The following EYA1 variants were observed in gnomAD, a reference collection of about 807,000 sequenced individuals.
EYA1 encodes the protein protein phosphatase EYA1.
In EYA1, 16 loss-of-function variants were observed where a neutral mutation model predicts 82.0. That is an observed-to-expected ratio of 0.20 (90% CI 0.13 to 0.30). The LOEUF is 0.30. EYA1 is among the 10% of genes least tolerant of loss of function. The probability of loss-of-function intolerance (pLI) is 1.00; values close to 1 mark genes in which losing one functional copy is unlikely to be tolerated. For synonymous variants in EYA1, 261 were observed against 264.4 expected, an observed-to-expected ratio of 0.99 and a Z score of 0.12; for missense variants, 633 against 730.7, an observed-to-expected ratio of 0.87 and a Z score of 1.54.
At chr8:71,292,924 G>C (rs1563410953) in intron 9 of EYA1, among the ~76,000 whole-genome samples, 1 of 151,492 alleles carries the variant, frequency 6.6e-6, no homozygotes. Context: ...AAAGCAATCA[G>C]AAAAAAATTA....
At chr8:71,531,155 A>G (rs1445156437) in intron 2 of EYA1, 1 of 152,178 alleles carries the variant, frequency 6.6e-6, no homozygotes, top group Non-Finnish European at 1.5e-5. Context: ...TTTTTTATTC[A>G]TGGTCGTTTA....
rs375568129 is a variant in EYA1, at chr8:71,205,398, G to A, written c.1698+5758C>T. On this transcript the variant is annotated intron_variant, in intron 17 of 17. Coordinates refer to ENST00000340726, the MANE Select transcript of EYA1 (RefSeq NM_000503.6). ...TTTTCTCTCAAGCCATGTTGCATTA[G>A]GGAAACAAATAATTTTATGGTAAAA... Among the ~76,000 whole-genome samples, 17 of 150,576 alleles carry A rather than the reference G, an allele frequency of 1.1e-4. No individual in the cohort carries two copies. The East Asian group carries it at 1.6e-3, about 14-fold the overall frequency.
intron 2 of EYA1, among the ~76,000 whole-genome samples, chr8:71,395,846 G>A (rs1470305886): frequency 1.3e-5 from 2 of 152,098 alleles, no homozygotes; most frequent in African/African-American, 4.8e-5. Context: ...CTATTGATTG[G>A]AACAGTTTCA....
intron 2 of EYA1, among the ~76,000 whole-genome samples, chr8:71,518,342 A>T (rs545280715): frequency 1.3e-5 from 2 of 152,240 alleles, no homozygotes; most frequent in South Asian, 4.1e-4. Flanking sequence ...TAAACCTCTC[A>T]ATTTCCTTCT....
At chr8:71,436,238 T>C (rs34642381) in intron 2 of EYA1, among the ~76,000 whole-genome samples, 58,310 of 151,934 alleles carry the variant, frequency 0.38, 11,864 homozygotes, top group Non-Finnish European at 0.45. Flanking sequence ...GCATATCCCA[T>C]TGACTACACA....
intron 2 of EYA1, among the ~76,000 whole-genome samples, chr8:71,457,716 A>G (rs1044216082): frequency 6.6e-6 from 1 of 152,174 alleles, no homozygotes; most frequent in East Asian, 1.9e-4. Flanking sequence ...AACAATGAGA[A>G]CACTTGGACA....
intron 2 of EYA1, among the ~76,000 whole-genome samples, chr8:71,453,200 T>A (rs747027805): frequency 6.6e-5 from 10 of 151,988 alleles, no homozygotes; most frequent in Non-Finnish European, 1.3e-4. Flanking sequence ...TGAAATGAAG[T>A]GAGAAGAGAA....
At chr8:71,462,760 C>G (rs1305349237) in intron 2 of EYA1, among the ~76,000 whole-genome samples, 1 of 152,180 alleles carries the variant, frequency 6.6e-6, no homozygotes, top group African/African-American at 2.4e-5. Context: ...GGCCTAGGGG[C>G]AGGTCCTGCC....
intron 4 of EYA1, among the ~76,000 whole-genome samples, chr8:71,323,666 A>T (rs968870314): frequency 2.0e-5 from 3 of 152,226 alleles, no homozygotes; most frequent in South Asian, 4.1e-4. Flanking sequence ...AAGCCGGCCC[A>T]GCTGGTATAC....
intron 2 of EYA1, among the ~76,000 whole-genome samples, chr8:71,457,004 C>G (rs528994969): frequency 0.014 from 2,168 of 152,254 alleles, 29 homozygotes; most frequent in Non-Finnish European, 0.023. Context: ...TTTTTGCAAT[C>G]TACTCATCTG....
At chr8:71,531,796 G>A (rs897688466) in intron 2 of EYA1, among the ~76,000 whole-genome samples, 1 of 152,112 alleles carries the variant, frequency 6.6e-6, no homozygotes, top group South Asian at 2.1e-4. Flanking sequence ...TGACAGAAAT[G>A]ATGTGAAAGC....
chr8:71,438,546 A>T (rs907715693), intron 2 of EYA1, among the ~76,000 whole-genome samples: 1 of 152,156 alleles, frequency 6.6e-6, no homozygotes, highest in Non-Finnish European at 1.5e-5. Flanking sequence ...GATTACACTG[A>T]GTGGCACAGG....
chr8:71,452,870 CT>C (rs1807511001), intron 2 of EYA1, among the ~76,000 whole-genome samples: 1 of 152,206 alleles, frequency 6.6e-6, no homozygotes, highest in Admixed American at 6.5e-5. Context: ...GCCTCTCCCC[CT>C]CCAAAGGAAT....
chr8:71,488,754 A>G (rs1810765484), intron 2 of EYA1, among the ~76,000 whole-genome samples: 1 of 152,236 alleles, frequency 6.6e-6, no homozygotes, highest in African/African-American at 2.4e-5. Context: ...CAACAGCAAA[A>G]TAATAATAAA....
chr8:71,381,900 A>T (rs1444754085), intron 2 of EYA1, among the ~76,000 whole-genome samples: 2 of 152,224 alleles, frequency 1.3e-5, no homozygotes. Flanking sequence ...TACAACAATT[A>T]AAAAAAGCAC....
At chr8:71,469,816 T>C (rs543447581) in intron 2 of EYA1, among the ~76,000 whole-genome samples, 1 of 152,166 alleles carries the variant, frequency 6.6e-6, no homozygotes, top group Admixed American at 6.6e-5. Context: ...ATACATGATC[T>C]TGGCTGGATC....
At chr8:71,357,979 T>C (rs956594593) in intron 1 of EYA1, among the ~76,000 whole-genome samples, 177 of 152,214 alleles carry the variant, frequency 1.2e-3, no homozygotes, top group Admixed American at 4.2e-3. Flanking sequence ...TTTTCTTTTT[T>C]TTTTTTCTCC....
intron 2 of EYA1, chr8:71,404,246 T>C (rs1051251930): frequency 2.6e-5 from 4 of 152,328 alleles, no homozygotes; most frequent in Admixed American, 2.0e-4. Context: ...GTCCATATCA[T>C]AGTCATTGAA....
intron 17 of EYA1, among the ~76,000 whole-genome samples, chr8:71,203,894 C>T (rs145734303): frequency 6.6e-6 from 1 of 152,210 alleles, no homozygotes; most frequent in Non-Finnish European, 1.5e-5. Flanking sequence ...GGGTGGGAAT[C>T]AAAGAACCCC....
Sources: gnomAD v4.1 joint callset for allele counts (sites outside exome capture counted in the v4.1 genomes callset) on GRCh38, gnomAD v4.1.1 for gene constraint, MANE v1.5 for transcripts, NCBI Gene and HGNC (gene_info 2026-07-23, HGNC 2026-07-21) for gene names.